Variants in RUFY1 observed in about 807,000 individuals in gnomAD.
RUFY1 encodes RUN and FYVE domain containing 1, also known as RUN and FYVE domain-containing protein 1.
Under a neutral mutation model 94.6 loss-of-function variants are expected in RUFY1, and 54 were observed. That is an observed-to-expected ratio of 0.57 (90% CI 0.46 to 0.72). The LOEUF (loss-of-function observed/expected upper bound fraction) is 0.72, where lower values mean the gene tolerates loss of function less well. RUFY1 is among the 30% of genes least tolerant of loss of function. The pLI, the probability that RUFY1 is intolerant of heterozygous loss-of-function variation, is 0.00. For synonymous variants in RUFY1, 396 were observed against 347.3 expected (o/e 1.14, Z -1.56); for missense variants, 883 against 883.9 (o/e 1.00, Z 0.01).
chr5:179,550,743 G>A lies in RUFY1; in HGVS notation c.174G>A (p.Ala58=), dbSNP rs756229167. 18 of 1,456,320 alleles carry A rather than the reference G, an allele frequency of 1.2e-5. No homozygotes were observed. In the African/African-American group the frequency reaches 2.2e-4, roughly 18 times the overall value. The allele number at this position is 1,456,320 out of a possible 1,614,324, so 90.2% of individuals were successfully genotyped here. A position where few individuals can be genotyped will look rare whatever the true frequency, so the allele number is the denominator to read the frequency against. Residue 58 remains alanine, a synonymous_variant, in exon 1 of 18, where the codon GCG becomes GCA. Coordinates refer to ENST00000319449, the MANE Select transcript of RUFY1 (RefSeq NM_025158.5). ...GDLRSATRPR[A]AEGWSAPILT... ...TGCGGAGCGCAACGAGGCCGCGGGC[G>A]GCCGAGGGCTGGTCGGCGCCCATCC... is the stretch of plus-strand genomic sequence containing the variant.
intron 9 of RUFY1, 46 bp from the exon 10 acceptor site, chr5:179,591,579 C>T (rs773542482): frequency 1.6e-5 from 19 of 1,171,850 alleles, no homozygotes; most frequent in Non-Finnish European, 2.4e-5. Flanking sequence ...AATTAGCTTG[C>T]TTTCCATAAG....
In RUFY1 at chr5:179,583,410, A is replaced by AT. The variant is rs1764322535; in HGVS notation, c.957-2386_957-2385insT. On this transcript the variant is annotated intron_variant, in intron 7 of 17. Transcript: ENST00000319449. ...TTTGAGGATATATCTTTTCTCATATAAATATATATATATATATATATTTTA... is the reference window on the plus strand; with the variant it reads ...TTTGAGGATATATCTTTTCTCATATATAATATATATATATATATATATTTTA... Among the ~76,000 whole-genome samples the AT allele has an allele frequency of 1.0e-4, 3 of 29,656 alleles. No homozygotes were observed. The South Asian group carries it at 2.4e-3, about 23-fold the overall frequency. 19.5% of individuals were successfully genotyped at this position (29,656 alleles called of 152,430 possible).
At chr5:179,587,801 G>A (rs1300812206) in intron 8 of RUFY1, among the ~76,000 whole-genome samples, 1 of 151,826 alleles carries the variant, frequency 6.6e-6, no homozygotes. Flanking sequence ...GGAGGCCAAG[G>A]TGGAAGACTT....
In RUFY1 at chr5:179,589,596, G is replaced by A. The variant is rs1198484939; in HGVS notation, c.1077G>A (p.Gln359=). Reference sequence around the variant, plus strand: ...GCTCACTTCAAGAAGAACAGCAGCAGTTAAGAGAACAAAATGAATTAATTC... The same window carrying A: ...GCTCACTTCAAGAAGAACAGCAGCAATTAAGAGAACAAAATGAATTAATTC... The part of the protein sequence containing the change: ...RICSLQEEQQ[Q]LREQNELIRE... Residue 359 remains glutamine, a synonymous_variant, in exon 9 of 18, where the codon CAG becomes CAA. Transcript: ENST00000319449. 1.9e-6 allele frequency: 3 copies of A among 1,614,024 alleles called. No individual in the cohort carries two copies. The highest frequency in any genetic ancestry group is 2.7e-5 in the African/African-American group (2 of 74,932).
At chr5:179,556,885 TAA>T (rs1394836353) in intron 1 of RUFY1, among the ~76,000 whole-genome samples, 13 of 152,240 alleles carry the variant, frequency 8.5e-5, no homozygotes, top group Non-Finnish European at 1.9e-4. Context: ...GATTTACTGC[TAA>T]AGCGTGATAG....
At chr5:179,604,748 G>A (rs553035052) in intron 15 of RUFY1, among the ~76,000 whole-genome samples, 4 of 152,246 alleles carry the variant, frequency 2.6e-5, no homozygotes, top group Non-Finnish European at 5.9e-5. Flanking sequence ...TTGGGAGGCC[G>A]AGGCAGGTGG....
At position 179,609,529 on chromosome 5, in the gene RUFY1, C is replaced by T. The variant is rs558966196; in HGVS notation, c.*10C>T. ...CTCCACGGCCTCCTGAACGTCCGTC[C>T]TCAGGAGCACAGCCTCACGGACAGT... On this transcript the variant is annotated 3_prime_UTR_variant, in exon 18 of 18. Transcript: ENST00000319449. 8 of 1,592,608 alleles carry T rather than the reference C, an allele frequency of 5.0e-6. No individual in the cohort carries two copies. Among genetic ancestry groups the T allele is most frequent in the Non-Finnish European group, 6.8e-6 (8 of 1,173,788 alleles).
In RUFY1 at chr5:179,589,660, C is replaced by T. The variant is rs1764879506; in HGVS notation, c.1128+13C>T. On this transcript the variant is annotated intron_variant, in intron 9 of 17. Coordinates refer to ENST00000319449, the MANE Select transcript of RUFY1 (RefSeq NM_025158.5). Reference sequence around the variant, plus strand: ...AAAGAGTGTAGAGGTGAGAAATTGACCTACATTTGGGCAGCATGTTTCTCA... The same window carrying T: ...AAAGAGTGTAGAGGTGAGAAATTGATCTACATTTGGGCAGCATGTTTCTCA... 1 of 1,571,864 alleles carries T rather than the reference C, an allele frequency of 6.4e-7. No homozygotes were observed. The highest frequency in any genetic ancestry group is 8.8e-7 in the Non-Finnish European group (1 of 1,141,566).
At chr5:179,597,997 T>C (rs149533922) in intron 13 of RUFY1, among the ~76,000 whole-genome samples, 375 of 152,292 alleles carry the variant, frequency 2.5e-3, no homozygotes, top group African/African-American at 8.5e-3. Context: ...AAGACCAGCC[T>C]GGCCAACATG....
intron 1 of RUFY1, among the ~76,000 whole-genome samples, chr5:179,558,738 G>A (rs920644340): frequency 3.3e-5 from 5 of 152,030 alleles, no homozygotes; most frequent in Non-Finnish European, 7.4e-5. Flanking sequence ...TTAGTCCCAG[G>A]ATGTCTCAGT....
intron 6 of RUFY1, among the ~76,000 whole-genome samples, chr5:179,579,073 G>A (rs1168269984): frequency 3.9e-5 from 6 of 152,208 alleles, no homozygotes; most frequent in Non-Finnish European, 8.8e-5. Context: ...ATGGGAGGGG[G>A]TTTTCACTGT....
chr5:179,586,188 A>G, intron 8 of RUFY1: 1 of 435,320 alleles, frequency 2.3e-6, no homozygotes, highest in Admixed American at 3.2e-5. Context: ...TGCCCTTCCC[A>G]TGATGCCGTG....
intron 1 of RUFY1, chr5:179,555,803 A>ATTT (rs11382569): frequency 5.3e-5 from 13 of 243,554 alleles, no homozygotes; most frequent in African/African-American, 1.8e-4. Context: ...AATTTTTTGG[A>ATTT]TTTTTTTTTT....
chr5:179,590,202 CAGTT>C (rs989322516), intron 9 of RUFY1, among the ~76,000 whole-genome samples: 13 of 151,754 alleles, frequency 8.6e-5, no homozygotes, highest in African/African-American at 3.1e-4. Flanking sequence ...AAATACAAAA[CAGTT>C]AGCTGGGCGT....
intron 6 of RUFY1, among the ~76,000 whole-genome samples, chr5:179,578,192 G>A (rs1763809173): frequency 6.6e-6 from 1 of 152,074 alleles, no homozygotes; most frequent in Admixed American, 6.6e-5. Context: ...TGTAATCATA[G>A]TGTTTTAGAT....
chr5:179,591,663 C>G lies in RUFY1; in HGVS notation c.1167C>G (p.Tyr389Ter), dbSNP rs1328763010. ...ATACCAAAGTTGAGCTGGAGACTTACAAGCAAACTCGGCAAGGTCTGGATG... is the reference window on the plus strand; with the variant it reads ...ATACCAAAGTTGAGCTGGAGACTTAGAAGCAAACTCGGCAAGGTCTGGATG... Reference protein sequence around the residue: ...KQDTKVELETYKQTRQGLDEM... With the variant: ...KQDTKVELET The change falls in exon 10 of 18, where the codon TAC (tyrosine) becomes TAG (stop). Residue 389 changes from tyrosine to a stop codon, truncating the protein, a stop_gained. Coordinates refer to ENST00000319449, the MANE Select transcript of RUFY1 (RefSeq NM_025158.5). LOFTEE classifies it high-confidence loss of function. The G allele has an allele frequency of 2.5e-6, 4 of 1,613,146 alleles. No individual in the cohort carries two copies. The highest frequency in any genetic ancestry group is 1.3e-5 in the African/African-American group (1 of 74,874).
At chr5:179,563,964 ACCCGG>A (rs1762632746) in intron 3 of RUFY1, among the ~76,000 whole-genome samples, 1 of 151,310 alleles carries the variant, frequency 6.6e-6, no homozygotes, top group African/African-American at 2.4e-5. Context: ...GAGCCACCAC[ACCCGG>A]CCTTAATGAC....
chr5:179,575,779 T>G (rs979346214), intron 5 of RUFY1, among the ~76,000 whole-genome samples: 1 of 152,008 alleles, frequency 6.6e-6, no homozygotes, highest in African/African-American at 2.4e-5. Flanking sequence ...CCTGGAGTTT[T>G]GTTGTTTTTT....
chr5:179,563,440 G>C (rs555151358), intron 3 of RUFY1, among the ~76,000 whole-genome samples: 82 of 152,304 alleles, frequency 5.4e-4, no homozygotes, highest in Non-Finnish European at 9.4e-4. Context: ...CTGAGACTTA[G>C]AGTGGTTGAG....
Sources: allele counts gnomAD v4.1 joint callset (sites outside exome capture counted in the v4.1 genomes callset), GRCh38; gene constraint gnomAD v4.1.1; transcripts MANE v1.5; gene names NCBI Gene and HGNC (gene_info 2026-07-23, HGNC 2026-07-21).